POT1: variants seen among roughly 807,000 people sequenced by gnomAD.
The protein encoded by POT1 is protection of telomeres protein 1.
In POT1, 47 loss-of-function variants were observed where a neutral mutation model predicts 78.5. The observed-to-expected ratio is 0.60, with a 90% CI of 0.47 to 0.76. The LOEUF (loss-of-function observed/expected upper bound fraction) is 0.76. Among genes scored for constraint, POT1 ranks in the 30% least tolerant of loss-of-function variants. The pLI is 0.00. For missense variants in POT1, 646 were observed against 749.9 expected, an observed-to-expected ratio of 0.86 and a Z score of 1.62; for synonymous variants, 259 against 260.7, an observed-to-expected ratio of 0.99 and a Z score of 0.06.
intron 15 of POT1, 96 bp downstream of exon 15, chr7:124,835,183 G>A: frequency 7.0e-7 from 1 of 1,425,648 alleles, no homozygotes; most frequent in African/African-American, 1.4e-5. Context: ...AATAGCACGT[G>A]TATACCTACG....
At chr7:124,826,266 A>G (rs1162901028) in intron 17 of POT1, among the ~76,000 whole-genome samples, 1 of 152,164 alleles carries the variant, frequency 6.6e-6, no homozygotes, top group Non-Finnish European at 1.5e-5. Context: ...CCACAACTCT[A>G]TGGGGAGAGG....
At chr7:124,852,631 T>C (rs544422112) in intron 10 of POT1, among the ~76,000 whole-genome samples, 1 of 152,300 alleles carries the variant, frequency 6.6e-6, no homozygotes, top group South Asian at 2.1e-4. Context: ...TTAAATATTT[T>C]TGGAATCTTA....
At chr7:124,841,375 A>G (rs1438611265) in intron 13 of POT1, among the ~76,000 whole-genome samples, 197 bp from the exon 14 acceptor site, 3 of 151,964 alleles carry the variant, frequency 2.0e-5, no homozygotes, top group Non-Finnish European at 4.4e-5. Context: ...ATTATTTGAT[A>G]TTTTGTGGGT....
chr7:124,873,166 C>A (rs1795910853), intron 6 of POT1, among the ~76,000 whole-genome samples: 1 of 151,910 alleles, frequency 6.6e-6, no homozygotes, highest in African/African-American at 2.4e-5. Context: ...TGATACAATC[C>A]CATTTGTCTA....
At chr7:124,872,952 G>A (rs1406150713) in intron 6 of POT1, among the ~76,000 whole-genome samples, 1 of 152,016 alleles carries the variant, frequency 6.6e-6, no homozygotes, top group Admixed American at 6.6e-5. Context: ...ACATCTTTTC[G>A]CATACCTGTC....
intron 2 of POT1, among the ~76,000 whole-genome samples, chr7:124,925,565 C>G (rs756820015): frequency 3.9e-5 from 6 of 152,172 alleles, no homozygotes; most frequent in Non-Finnish European, 8.8e-5. Flanking sequence ...CAATCCTTAT[C>G]AAATTACTGA....
chr7:124,889,205 C>T (rs980515193), intron 6 of POT1, among the ~76,000 whole-genome samples: 2 of 152,098 alleles, frequency 1.3e-5, no homozygotes, highest in East Asian at 1.9e-4. Context: ...GGCTGATACA[C>T]AGAAAATTTT....
At chr7:124,831,866 T>C (rs1366425391) in intron 15 of POT1, among the ~76,000 whole-genome samples, 4 of 151,790 alleles carry the variant, frequency 2.6e-5, no homozygotes, top group Non-Finnish European at 5.9e-5. Flanking sequence ...ACACATATAA[T>C]GAAGGCATAA....
Position 124,925,927 on chromosome 7 carries a change from C to T in POT1, c.-227+2888G>A, listed in dbSNP as rs540562700. 5.3e-4 allele frequency among the ~76,000 whole-genome samples: 80 copies of T among 152,096 alleles called. No homozygotes were observed. In the South Asian group the frequency reaches 9.1e-3, roughly 17 times the overall value. On this transcript the variant is annotated intron_variant, in intron 2 of 18. Coordinates refer to ENST00000357628, the MANE Select transcript of POT1 (RefSeq NM_015450.3). ...CACATGCAGAAGAGTGAAACTGGAA[C>T]GTATATGTCACCATACACGAAAATA... is the stretch of plus-strand genomic sequence containing the variant.
chr7:124,897,746 A>G lies in POT1; in HGVS notation c.-40+515T>C, dbSNP rs181688131. On this transcript the variant is annotated intron_variant, in intron 4 of 18. Transcript: ENST00000357628. ...TTATAGTACCTTTGTGCATACTAGA[A>G]AAAAAAAGGCAGATGTTGGCCTGCA... Among the ~76,000 whole-genome samples the G allele has an allele frequency of 1.5e-3, 222 of 151,866 alleles. 2 individuals are homozygous for G. The highest frequency in any genetic ancestry group is 9.4e-4 in the Non-Finnish European group (64 of 67,832).
chr7:124,876,029 T>C (rs1309197148), intron 6 of POT1, among the ~76,000 whole-genome samples: 2 of 152,342 alleles, frequency 1.3e-5, no homozygotes, highest in Non-Finnish European at 2.9e-5. Flanking sequence ...TGAATTGATG[T>C]TCAGAAATCT....
chr7:124,922,494 T>C lies in POT1; in HGVS notation c.-227+6321A>G, dbSNP rs1042017239. Among the ~76,000 whole-genome samples, 7 of 151,960 alleles carry C rather than the reference T, an allele frequency of 4.6e-5. No homozygotes were observed. The South Asian group carries it at 6.2e-4, about 13-fold the overall frequency. ...GGAGTGAGTAAATGGAATTTCACTA[T>C]TATAAGATTCTTATATTTGTCAAGG... is the stretch of plus-strand genomic sequence containing the variant. On this transcript the variant is annotated intron_variant, in intron 2 of 18. Transcript: ENST00000357628.
chr7:124,919,434 A>T (rs982085942), intron 2 of POT1, among the ~76,000 whole-genome samples: 19 of 152,164 alleles, frequency 1.2e-4, no homozygotes, highest in Non-Finnish European at 2.1e-4. Context: ...GTGTTCTCCC[A>T]AATTACAGGT....
At position 124,829,272 on chromosome 7, in the gene POT1, G is replaced by C; in HGVS notation, c.1576C>G (p.Pro526Ala). Residue 526 changes from proline (P) to alanine (A), a missense_variant, in exon 16 of 19, where the codon CCT becomes GCT. Physicochemically the swap from Pro to Ala is conservative, Grantham distance 27. Coordinates refer to ENST00000357628, the MANE Select transcript of POT1 (RefSeq NM_015450.3). ...AGCTAACCTTCTGCCACAGAAGAAG[G>C]AATCCACGATGTTTTATCAACCAGG... is the stretch of plus-strand genomic sequence containing the variant. The part of the protein sequence containing the change: ...NSLVDKTSWI[P>A]SSVAEALGIV... The C allele has an allele frequency of 3.1e-6, 5 of 1,602,988 alleles. No individual in the cohort carries two copies. Among genetic ancestry groups the C allele is most frequent in the Non-Finnish European group, 3.4e-6 (4 of 1,170,190 alleles).
At chr7:124,851,733 G>T in intron 11 of POT1, 139 bp downstream of exon 11, 1 of 678,842 alleles carries the variant, frequency 1.5e-6, no homozygotes, top group Non-Finnish European at 2.5e-6. Flanking sequence ...ATAGGCCACA[G>T]ATAAAGATTT....
chr7:124,879,606 C>T (rs1229688632), intron 6 of POT1, among the ~76,000 whole-genome samples: 1 of 152,022 alleles, frequency 6.6e-6, no homozygotes, highest in Non-Finnish European at 1.5e-5. Context: ...AATGGAAGAG[C>T]AGGGGGCTAC....
chr7:124,834,683 T>C (rs1393133685), intron 15 of POT1, among the ~76,000 whole-genome samples: 4 of 152,214 alleles, frequency 2.6e-5, no homozygotes, highest in Admixed American at 2.6e-4. Flanking sequence ...GAACACGGTA[T>C]GGCAACTCCT....
At chr7:124,913,628 C>A (rs1282909928) in intron 3 of POT1, among the ~76,000 whole-genome samples, 1 of 151,994 alleles carries the variant, frequency 6.6e-6, no homozygotes, top group Non-Finnish European at 1.5e-5. Context: ...GATGCTTAAT[C>A]CATTTTAGTT....
At chr7:124,855,848 G>C (rs1456747382) in intron 9 of POT1, among the ~76,000 whole-genome samples, 1 of 151,866 alleles carries the variant, frequency 6.6e-6, no homozygotes, top group Non-Finnish European at 1.5e-5. Flanking sequence ...AACTATTGAA[G>C]GCCAAAACAT....
Sources: allele counts gnomAD v4.1 joint callset (sites outside exome capture counted in the v4.1 genomes callset), GRCh38; gene constraint gnomAD v4.1.1; transcripts MANE v1.5; gene names NCBI Gene and HGNC (gene_info 2026-07-23, HGNC 2026-07-21).